Variants in ZNF766 observed in about 807,000 individuals in gnomAD.
ZNF766 encodes zinc finger protein 766.
In ZNF766, 13 loss-of-function variants were observed where a neutral mutation model predicts 13.2. That is an observed-to-expected ratio of 0.98 (90% CI 0.64 to 1.56). ZNF766 has a LOEUF of 1.56. ZNF766 is among the 40% of genes most tolerant of loss of function. The probability of loss-of-function intolerance (pLI) is 0.00; values close to 1 mark genes in which losing one functional copy is unlikely to be tolerated. For synonymous variants in ZNF766, 178 were observed against 187.6 expected (o/e 0.95, Z 0.42); for missense variants, 521 against 552.2 (o/e 0.94, Z 0.57).
At chr19:52,286,226 A>G (rs767546957) in intron 3 of ZNF766, among the ~76,000 whole-genome samples, 3 of 149,762 alleles carry the variant, frequency 2.0e-5, no homozygotes, top group Non-Finnish European at 4.4e-5. Context: ...CATTCTTTCA[A>G]TATTGAGTAT....
Position 52,288,713 on chromosome 19 carries a change from T to C in ZNF766, c.275-1353T>C, listed in dbSNP as rs146068674. ...CCAGCCGTTTTTTTTTTTTCATGTATGCATACATCATTACAATATCCCTTC... is the reference window on the plus strand; with the variant it reads ...CCAGCCGTTTTTTTTTTTTCATGTACGCATACATCATTACAATATCCCTTC... On this transcript the variant is annotated intron_variant, in intron 3 of 3. Coordinates refer to ENST00000439461, the MANE Select transcript of ZNF766 (RefSeq NM_001010851.3). Among the ~76,000 whole-genome samples the C allele has an allele frequency of 2.2e-3, 329 of 150,986 alleles. 6 individuals are homozygous for C. The East Asian group carries it at 0.029, about 13-fold the overall frequency.
At chr19:52,271,872 G>A (rs2657927) in intron 1 of ZNF766, among the ~76,000 whole-genome samples, 61,705 of 150,886 alleles carry the variant, frequency 0.41, 13,459 homozygotes, top group African/African-American at 0.56. Flanking sequence ...AGGCAGGAGA[G>A]TCACTTGAAC....
intron 1 of ZNF766, chr19:52,281,900 C>A (rs761864819): frequency 3.3e-6 from 2 of 605,580 alleles, no homozygotes; most frequent in Non-Finnish European, 6.1e-6. Context: ...AAAATCTACA[C>A]TAGTTTAAAG....
intron 1 of ZNF766, 106 bp from the exon 2 acceptor site, chr19:52,282,005 C>G: frequency 7.4e-7 from 1 of 1,355,840 alleles, no homozygotes; most frequent in South Asian, 1.2e-5. Flanking sequence ...TCAGAATGTT[C>G]ACGTCAGCAC....
intron 1 of ZNF766, among the ~76,000 whole-genome samples, chr19:52,280,722 A>G (rs541126409): frequency 1.0e-3 from 152 of 152,074 alleles, no homozygotes; most frequent in African/African-American, 3.6e-3. Flanking sequence ...AGCTGGGACT[A>G]CAGGCATGCA....
intron 1 of ZNF766, chr19:52,277,566 G>T: frequency 6.4e-7 from 1 of 1,552,566 alleles, no homozygotes; most frequent in Non-Finnish European, 8.6e-7. Context: ...TCAGTAGATT[G>T]TTCTGTTTCT....
In ZNF766 at chr19:52,277,458, C is replaced by CA. The variant is rs577345037; in HGVS notation, c.19-4644dup. 2,238 of 1,452,830 alleles carry CA rather than the reference C, an allele frequency of 1.5e-3. 2 individuals are homozygous for CA. Among genetic ancestry groups the CA allele is most frequent in the South Asian group, 4.3e-3 (344 of 79,844 alleles). 90.0% of individuals were successfully genotyped at this position (1,452,830 alleles called of 1,614,324 possible). On this transcript the variant is annotated intron_variant, in intron 1 of 3. Transcript: ENST00000439461. ...TGGGTGACAGAGTGAGACTCCGTCT[C>CA]AAAAAAAAACAAAAAAAGTCATGTT...
chr19:52,283,405 T>A lies in ZNF766; in HGVS notation c.266T>A (p.Ile89Asn). The stretch of plus-strand genomic sequence containing the variant: ...GATAGGTGGGAAGGTATCAAAGATA[T>A]CAACACAGGTAAGAGCTCAGATGGA... ...NPDRWEGIKD[I>N]NTGRSCAVRS... is the part of the protein sequence containing the mutation. The change falls in exon 3 of 4, where the codon ATC becomes AAC. Residue 89 changes from isoleucine to asparagine, a missense_variant. Coordinates refer to ENST00000439461, the MANE Select transcript of ZNF766 (RefSeq NM_001010851.3). The A allele has an allele frequency of 1.3e-6, 2 of 1,593,212 alleles. No homozygotes were observed. Among genetic ancestry groups the A allele is most frequent in the Non-Finnish European group, 1.7e-6 (2 of 1,168,906 alleles).
intron 1 of ZNF766, among the ~76,000 whole-genome samples, chr19:52,278,693 C>T (rs1981337581): frequency 6.6e-6 from 1 of 152,158 alleles, no homozygotes; most frequent in South Asian, 2.1e-4. Flanking sequence ...GCATGAGCCA[C>T]CGCACCTGGC....
At chr19:52,276,412 A>AAAATAATTTAAATAACCAATAAT (rs1311089530) in intron 1 of ZNF766, among the ~76,000 whole-genome samples, 3 of 152,170 alleles carry the variant, frequency 2.0e-5, no homozygotes, top group Non-Finnish European at 4.4e-5. Flanking sequence ...AAATTATTTA[A>AAAATAATTTAAATAACCAATAAT]GTCTGTAATT....
At position 52,290,053 on chromosome 19, in the gene ZNF766, C is replaced by T. The variant is rs1982042545; in HGVS notation, c.275-13C>T. ...CCATGGGTTCAAATTATACTCTTTA[C>T]TTGCTTTCCTAGGGAGGAGCTGTGC... is the stretch of plus-strand genomic sequence containing the variant. On this transcript the variant is annotated splice_polypyrimidine_tract_variant and intron_variant, in intron 3 of 3. Transcript: ENST00000439461. 3 of 1,581,430 alleles carry T rather than the reference C, an allele frequency of 1.9e-6. No individual in the cohort carries two copies. Among genetic ancestry groups the T allele is most frequent in the Non-Finnish European group, 2.6e-6 (3 of 1,165,574 alleles).
rs184877688 is a variant in ZNF766, at chr19:52,290,723, G to A, written c.932G>A (p.Ser311Asn). Residue 311 changes from serine (S) to asparagine (N), a missense_variant, in exon 4 of 4, where the codon AGT (serine) becomes AAT (asparagine). Ser to Asn is a conservative substitution (Grantham distance 46, BLOSUM62 1). Coordinates refer to ENST00000439461, the MANE Select transcript of ZNF766 (RefSeq NM_001010851.3). ...AAATGTGGCAAGGTTTATAGTAGCA[G>A]TTCATACCTAGCACAACATTGGAGA... The part of the protein sequence containing the change: ...CNKCGKVYSS[S>N]SYLAQHWRIH... 1.2e-4 allele frequency: 200 copies of A among 1,613,884 alleles called. No homozygotes were observed. The highest frequency in any genetic ancestry group is 1.6e-4 in the Non-Finnish European group (186 of 1,179,908).
In ZNF766 at chr19:52,291,308, CCAAATCACTAGACATCG is replaced by C; in HGVS notation, c.*111_*127del. On this transcript the variant is annotated 3_prime_UTR_variant, in exon 4 of 4. Coordinates refer to ENST00000439461, the MANE Select transcript of ZNF766 (RefSeq NM_001010851.3). ...GTGGCACAGGCTGTATCGAGACCTA[CCAAATCACTAGACATCG>C]AAACATTCATCTTTGGTGAAACCAC... The C allele has an allele frequency of 9.3e-7, 1 of 1,072,202 alleles. No individual in the cohort carries two copies. The highest frequency in any genetic ancestry group is 1.3e-6 in the Non-Finnish European group (1 of 750,538). 66.4% of individuals were successfully genotyped at this position (1,072,202 alleles called of 1,614,324 possible).
chr19:52,279,789 CTTTTTT>C (rs984101828), intron 1 of ZNF766, among the ~76,000 whole-genome samples: 5 of 64,866 alleles, frequency 7.7e-5, no homozygotes, highest in African/African-American at 2.8e-4. Flanking sequence ...TTTACCTTTT[CTTTTTT>C]TTTTTTTTTT....
intron 3 of ZNF766, 23 bp from the exon 4 acceptor site, chr19:52,290,042 TA>T: frequency 6.4e-7 from 1 of 1,567,384 alleles, no homozygotes; most frequent in South Asian, 1.2e-5. Context: ...GGGTTCAAAT[TA>T]TACTCTTTAC....
intron 3 of ZNF766, 50 bp from the exon 4 acceptor site, chr19:52,290,016 A>G: frequency 6.5e-7 from 1 of 1,528,036 alleles, no homozygotes; most frequent in Non-Finnish European, 8.8e-7. Context: ...AAGTGCAAAA[A>G]ACATGCCAGA....
At chr19:52,273,018 T>G (rs1222349794) in intron 1 of ZNF766, among the ~76,000 whole-genome samples, 2 of 69,070 alleles carry the variant, frequency 2.9e-5, no homozygotes, top group South Asian at 6.1e-4. Flanking sequence ...CATTAATATA[T>G]TTTTTTTTCG....
At chr19:52,271,657 G>T (rs2560873) in intron 1 of ZNF766, among the ~76,000 whole-genome samples, 51,026 of 151,992 alleles carry the variant, frequency 0.34, 9,677 homozygotes, top group African/African-American at 0.5. Flanking sequence ...TATTGTCCAT[G>T]AAAACACACA....
chr19:52,273,947 T>C (rs956335471), intron 1 of ZNF766, among the ~76,000 whole-genome samples: 1 of 152,218 alleles, frequency 6.6e-6, no homozygotes, highest in South Asian at 2.1e-4. Flanking sequence ...GCCTTAATAT[T>C]TGAAGTTGAT....
Sources: allele counts gnomAD v4.1 joint callset (sites outside exome capture counted in the v4.1 genomes callset), GRCh38; gene constraint gnomAD v4.1.1; transcripts MANE v1.5; gene names NCBI Gene and HGNC (gene_info 2026-07-23, HGNC 2026-07-21).